PCLO: variants seen among roughly 807,000 people sequenced by gnomAD.
PCLO encodes protein piccolo.
PCLO carries 82 observed loss-of-function variants against 427.5 expected under a neutral mutation model. The observed-to-expected ratio is 0.19, with a 90% confidence interval of 0.16 to 0.23. The LOEUF (loss-of-function observed/expected upper bound fraction) is 0.23, where lower values mean the gene tolerates loss of function less well. Among genes scored for constraint, PCLO ranks in the 10% least tolerant of loss-of-function variants. The pLI, the probability that PCLO is intolerant of heterozygous loss-of-function variation, is 1.00. For synonymous variants in PCLO, 2,357 were observed against 2,155.4 expected (o/e 1.09, Z -2.59); for missense variants, 6,239 against 6,115.9 (o/e 1.02, Z -0.67).
At chr7:83,066,460 A>G (rs1373630189) in intron 3 of PCLO, among the ~76,000 whole-genome samples, 3 of 152,128 alleles carry the variant, frequency 2.0e-5, no homozygotes, top group Non-Finnish European at 4.4e-5. Flanking sequence ...GCATGAACAC[A>G]CATCTATAAA....
intron 3 of PCLO, among the ~76,000 whole-genome samples, chr7:83,005,039 A>G (rs1787913890): frequency 6.7e-6 from 1 of 150,190 alleles, no homozygotes; most frequent in Admixed American, 6.7e-5. Context: ...TGGAAAGGGT[A>G]GGAAGATACA....
intron 6 of PCLO, among the ~76,000 whole-genome samples, chr7:82,928,714 G>A (rs1443410306): frequency 1.3e-5 from 2 of 152,092 alleles, no homozygotes; most frequent in African/African-American, 4.8e-5. Context: ...AGAAACAAAA[G>A]CAAGATAATT....
rs956489330 is a variant in PCLO at position 83,083,314 on chromosome 7, T to C, written c.3300+50936A>G. Among the ~76,000 whole-genome samples, 4 of 152,114 alleles carry C rather than the reference T, an allele frequency of 2.6e-5. No homozygotes were observed. In the South Asian group the frequency reaches 8.3e-4, roughly 31 times the overall value. On this transcript the variant is annotated intron_variant, in intron 3 of 24. Coordinates refer to ENST00000333891, the MANE Select transcript of PCLO (RefSeq NM_033026.6). ...TTTGTTAATATGGATAATTGCATGTTTGGAAAGCAATGTACAAAATCAAAT... is the reference window on the plus strand; with the variant it reads ...TTTGTTAATATGGATAATTGCATGTCTGGAAAGCAATGTACAAAATCAAAT...
chr7:83,012,856 A>T (rs2116003155), intron 3 of PCLO, among the ~76,000 whole-genome samples: 1 of 152,276 alleles, frequency 6.6e-6, no homozygotes, highest in South Asian at 2.1e-4. Context: ...CAGGTGTTTT[A>T]GTTTTAGATT....
chr7:83,128,968 GT>G (rs1677561823), intron 3 of PCLO, among the ~76,000 whole-genome samples: 1 of 151,880 alleles, frequency 6.6e-6, no homozygotes, highest in South Asian at 2.1e-4. Context: ...GGCCCCAAAT[GT>G]TACCTGGATG....
chr7:83,013,978 A>T (rs1432768801), intron 3 of PCLO, among the ~76,000 whole-genome samples: 15 of 152,158 alleles, frequency 9.9e-5, no homozygotes, highest in Admixed American at 9.8e-4. Flanking sequence ...ATCTTGGTGT[A>T]CCATTTTATA....
At chr7:82,879,129 A>T (rs1221455215) in intron 10 of PCLO, among the ~76,000 whole-genome samples, 1 of 152,212 alleles carries the variant, frequency 6.6e-6, no homozygotes, top group Non-Finnish European at 1.5e-5. Flanking sequence ...TCTGTAGCCA[A>T]CTGCCAAAAG....
rs369403658 is a variant in PCLO, at chr7:83,078,895, A to G, written c.3300+55355T>C. Among the ~76,000 whole-genome samples the G allele has an allele frequency of 3.3e-5, 5 of 152,268 alleles. No individual in the cohort carries two copies. In the South Asian group the frequency reaches 1.0e-3, roughly 32 times the overall value. On this transcript the variant is annotated intron_variant, in intron 3 of 24. Coordinates refer to ENST00000333891, the MANE Select transcript of PCLO (RefSeq NM_033026.6). The stretch of plus-strand genomic sequence containing the variant: ...CAGAACTTGGCATTTATAAAATAAT[A>G]CCAGCAAATCAAAGATATAAGCTTA...
intron 3 of PCLO, among the ~76,000 whole-genome samples, chr7:83,093,472 G>GTGTGTGTGTATATATATATATATA (rs745824155): frequency 7.1e-5 from 7 of 99,196 alleles, no homozygotes; most frequent in Non-Finnish European, 1.1e-4. Flanking sequence ...ATGTGTGTGT[G>GTGTGTGTGTATATATATATATATA]TATAGATATA....
intron 3 of PCLO, among the ~76,000 whole-genome samples, chr7:83,035,218 A>G (rs941158630): frequency 1.3e-5 from 2 of 152,114 alleles, no homozygotes; most frequent in Non-Finnish European, 2.9e-5. Flanking sequence ...CTTTTGCACT[A>G]TTGTTTATGA....
chr7:82,870,848 A>AT (rs1351428717), intron 10 of PCLO, among the ~76,000 whole-genome samples: 1 of 152,062 alleles, frequency 6.6e-6, no homozygotes, highest in East Asian at 1.9e-4. Context: ...AAAATGCTCA[A>AT]TATCACTAGT....
In PCLO at chr7:82,904,615, T is replaced by C. The variant is rs187780303; in HGVS notation, c.13438-1874A>G. ...TCTTTCCATTTGGTCACAAATAAAC[T>C]AAGAAAACACAATTTTGCCTTTTAG... On this transcript the variant is annotated intron_variant, in intron 8 of 24. Transcript: ENST00000333891. 5.9e-5 allele frequency among the ~76,000 whole-genome samples: 9 copies of C among 152,082 alleles called. No individual in the cohort carries two copies. In the East Asian group the frequency reaches 1.7e-3, roughly 29 times the overall value.
At chr7:83,158,930 G>T (rs1017844647) in intron 1 of PCLO, among the ~76,000 whole-genome samples, 2 of 152,012 alleles carry the variant, frequency 1.3e-5, no homozygotes, top group African/African-American at 4.8e-5. Context: ...TAAAGGTGCT[G>T]CTGTCTTTTG....
At chr7:82,939,558 T>A (rs1183321504) in intron 6 of PCLO, among the ~76,000 whole-genome samples, 1 of 151,198 alleles carries the variant, frequency 6.6e-6, no homozygotes, top group Admixed American at 6.6e-5. Flanking sequence ...TTTTTTCCCA[T>A]TGGAAATATA....
In PCLO at chr7:82,760,678, A is replaced by T; in HGVS notation, c.15249T>A (p.Thr5083=). ...RHDREPSFNE[T]FRFSLSPAGH... ...CTGCAGGACTTAGACTGAATCGAAAAGTTTCATTAAACGAAGGCTCTCGAT... is the reference window on the plus strand; with the variant it reads ...CTGCAGGACTTAGACTGAATCGAAATGTTTCATTAAACGAAGGCTCTCGAT... Residue 5083 remains threonine (T), a synonymous_variant, in exon 24 of 25, where the codon ACT becomes ACA. Coordinates refer to ENST00000333891, the MANE Select transcript of PCLO (RefSeq NM_033026.6). 6.2e-7 allele frequency: 1 copy of T among 1,606,372 alleles called. No homozygotes were observed.
intron 6 of PCLO, among the ~76,000 whole-genome samples, chr7:82,925,713 CTTTTTTTT>C (rs34017885): frequency 5.1e-5 from 4 of 78,986 alleles, no homozygotes; most frequent in South Asian, 5.0e-4. Flanking sequence ...ATTTTTGTTG[CTTTTTTTT>C]TTTTTTTTTT....
In PCLO at chr7:83,141,539, G is replaced by C. The variant is rs576067365; in HGVS notation, c.1894-5883C>G. Among the ~76,000 whole-genome samples the C allele has an allele frequency of 2.0e-5, 3 of 152,280 alleles. No homozygotes were observed. The East Asian group carries it at 5.8e-4, about 29-fold the overall frequency. The stretch of plus-strand genomic sequence containing the variant: ...GATTTAATGTGCTATATAAATGGGG[G>C]TAAGAAGATGATCAGACAGGATTTC... On this transcript the variant is annotated intron_variant, in intron 2 of 24. Transcript: ENST00000333891.
intron 3 of PCLO, among the ~76,000 whole-genome samples, chr7:83,011,030 T>A (rs943574472): frequency 1.6e-4 from 25 of 152,178 alleles, no homozygotes; most frequent in African/African-American, 4.8e-4. Flanking sequence ...ACACACATGA[T>A]CTTGTATGAA....
chr7:83,162,200 A>C, intron 1 of PCLO, 145 bp downstream of exon 1: 96 of 807,978 alleles, frequency 1.2e-4, no homozygotes, highest in Non-Finnish European at 1.5e-4. Context: ...AAGGCTTAGG[A>C]TCTCTCTATG....
Sources: gnomAD v4.1 joint callset for allele counts (sites outside exome capture counted in the v4.1 genomes callset) on GRCh38, gnomAD v4.1.1 for gene constraint, MANE v1.5 for transcripts, NCBI Gene and HGNC (gene_info 2026-07-23, HGNC 2026-07-21) for gene names.